Variants in ANXA13 observed in about 807,000 individuals in gnomAD.
ANXA13 encodes the protein annexin XIII.
ANXA13 carries 36 observed loss-of-function variants against 46.6 expected under a neutral mutation model. The ratio of observed to expected loss-of-function variants is 0.77; its 90% CI spans 0.59 to 1.02. The LOEUF (loss-of-function observed/expected upper bound fraction) is 1.02. ANXA13 is among the 50% of genes least tolerant of loss of function. The probability of loss-of-function intolerance (pLI) is 0.00; values close to 1 mark genes in which losing one functional copy is unlikely to be tolerated. For synonymous variants in ANXA13, 163 were observed against 152.9 expected (o/e 1.07, Z -0.49); for missense variants, 417 against 396.5 (o/e 1.05, Z -0.44).
chr8:123,702,578 T>C, intron 3 of ANXA13, 64 bp downstream of exon 3: 2 of 1,326,874 alleles, frequency 1.5e-6, no homozygotes, highest in Non-Finnish European at 1.1e-6. Context: ...CCTGGGGACA[T>C]GAGGAAGCCG....
chr8:123,718,757 A>T (rs1327571266), intron 1 of ANXA13, among the ~76,000 whole-genome samples: 1 of 152,236 alleles, frequency 6.6e-6, no homozygotes, highest in Non-Finnish European at 1.5e-5. Context: ...AGCATAGAAA[A>T]TAAACGAGAT....
rs550550697 is a variant in ANXA13, at chr8:123,682,623, C to T, written c.832-1264G>A. 1.9e-3 allele frequency among the ~76,000 whole-genome samples: 286 copies of T among 152,116 alleles called. 1 individual carries two copies. The highest frequency in any genetic ancestry group is 6.9e-3 in the South Asian group (33 of 4,814). ...CAGTGGATGTGGAGCAGGTGGCAGA[C>T]ACTACAGGAGACAGGTGGTGTCTGT... On this transcript the variant is annotated intron_variant, in intron 10 of 10. Coordinates refer to ENST00000419625, the MANE Select transcript of ANXA13 (RefSeq NM_004306.4).
At chr8:123,682,979 A>C (rs769111145) in intron 10 of ANXA13, among the ~76,000 whole-genome samples, 24 of 152,140 alleles carry the variant, frequency 1.6e-4, no homozygotes, top group Non-Finnish European at 3.1e-4. Context: ...TCTGGGGGTC[A>C]TTTGGAATCC....
chr8:123,715,844 T>C (rs1813750075), intron 1 of ANXA13, among the ~76,000 whole-genome samples: 1 of 152,176 alleles, frequency 6.6e-6, no homozygotes, highest in Non-Finnish European at 1.5e-5. Flanking sequence ...CTAAATGACA[T>C]GCCTGCCCCT....
At chr8:123,726,355 T>G (rs1813992391) in intron 1 of ANXA13, among the ~76,000 whole-genome samples, 1 of 152,222 alleles carries the variant, frequency 6.6e-6, no homozygotes, top group East Asian at 1.9e-4. Flanking sequence ...TTAGGAGACC[T>G]GACTTGAAGG....
intron 2 of ANXA13, among the ~76,000 whole-genome samples, chr8:123,703,099 C>A (rs1242179794): frequency 6.6e-6 from 1 of 152,160 alleles, no homozygotes; most frequent in African/African-American, 2.4e-5. Context: ...AACGTGGAAG[C>A]AGCCCCAGTG....
At chr8:123,684,181 T>C (rs537056602) in intron 10 of ANXA13, among the ~76,000 whole-genome samples, 1 of 152,356 alleles carries the variant, frequency 6.6e-6, no homozygotes, top group African/African-American at 2.4e-5. Context: ...TGCCTTATGC[T>C]GATGTGCTTG....
chr8:123,684,521 G>A, intron 10 of ANXA13, 89 bp downstream of exon 10: 2 of 878,902 alleles, frequency 2.3e-6, no homozygotes, highest in Non-Finnish European at 3.7e-6. Flanking sequence ...TCTGTAAATA[G>A]GCCCTTAATA....
intron 1 of ANXA13, among the ~76,000 whole-genome samples, chr8:123,731,987 T>C (rs1432653354): frequency 1.3e-5 from 2 of 152,098 alleles, no homozygotes; most frequent in Non-Finnish European, 2.9e-5. Flanking sequence ...CCAATCCAGC[T>C]TGGGGGGCAG....
At chr8:123,734,362 C>G (rs1220389836) in intron 1 of ANXA13, among the ~76,000 whole-genome samples, 1 of 152,162 alleles carries the variant, frequency 6.6e-6, no homozygotes, top group Non-Finnish European at 1.5e-5. Context: ...TGATCTTTCT[C>G]TCTGTGTACA....
At chr8:123,686,907 A>G (rs1268038986) in intron 9 of ANXA13, among the ~76,000 whole-genome samples, 2 of 152,198 alleles carry the variant, frequency 1.3e-5, no homozygotes, top group Non-Finnish European at 2.9e-5. Context: ...CTTATTCTCA[A>G]GGTCTTTTCT....
chr8:123,731,092 G>T (rs4549748), intron 1 of ANXA13, among the ~76,000 whole-genome samples: 1 of 151,978 alleles, frequency 6.6e-6, no homozygotes, highest in African/African-American at 2.4e-5. Flanking sequence ...TCAGTTTCAC[G>T]TGGAAGGCTT....
At chr8:123,698,664 T>A in intron 3 of ANXA13, 105 bp from the exon 4 acceptor site, 1 of 1,258,872 alleles carries the variant, frequency 7.9e-7, no homozygotes, top group Non-Finnish European at 1.1e-6. Context: ...AAAGGTGCTG[T>A]GGACATGAAT....
chr8:123,689,373 G>C (rs1021201072), intron 8 of ANXA13, among the ~76,000 whole-genome samples: 4 of 151,410 alleles, frequency 2.6e-5, no homozygotes, highest in Non-Finnish European at 4.4e-5. Context: ...TTCCCAGGAG[G>C]CTGTGGTTAT....
chr8:123,706,958 C>A (rs1332902463), intron 2 of ANXA13, among the ~76,000 whole-genome samples: 2 of 152,224 alleles, frequency 1.3e-5, no homozygotes, highest in Non-Finnish European at 1.5e-5. Flanking sequence ...TCCACTCCTA[C>A]TTCTCCTTCA....
intron 1 of ANXA13, among the ~76,000 whole-genome samples, chr8:123,731,692 G>A (rs1295004177): frequency 6.6e-6 from 1 of 151,976 alleles, no homozygotes; most frequent in Non-Finnish European, 1.5e-5. Context: ...GAGCAACATA[G>A]GAAGACCCCC....
rs570071494 is a variant in ANXA13 at position 123,693,264 on chromosome 8, G to A, written c.575C>T (p.Ala192Val). The A allele has an allele frequency of 9.9e-6, 16 of 1,614,118 alleles. No individual in the cohort carries two copies. The highest frequency in any genetic ancestry group is 6.7e-5 in the Admixed American group (4 of 60,010). Residue 192 changes from alanine (A) to valine (V), a missense_variant, in exon 8 of 11, where the codon GCG becomes GTG. Physicochemically the swap from Ala to Val is moderately conservative, Grantham distance 64. Transcript: ENST00000419625. The part of the protein sequence containing the change: ...GEGRWGTDEL[A>V]FNEVLAKRSY... Reference sequence around the variant, plus strand: ...CCTCTTGGCCAGGACTTCATTGAACGCAAGCTCATCAGTGCCCCAGCGGCC... The same window carrying A: ...CCTCTTGGCCAGGACTTCATTGAACACAAGCTCATCAGTGCCCCAGCGGCC...
At chr8:123,683,697 A>G (rs987788429) in intron 10 of ANXA13, among the ~76,000 whole-genome samples, 9 of 149,192 alleles carry the variant, frequency 6.0e-5, no homozygotes, top group South Asian at 2.1e-4. Context: ...AGCAATTCTC[A>G]TGCCTCAGCC....
At chr8:123,717,560 T>C (rs1465163383) in intron 1 of ANXA13, among the ~76,000 whole-genome samples, 1 of 152,256 alleles carries the variant, frequency 6.6e-6, no homozygotes, top group Non-Finnish European at 1.5e-5. Flanking sequence ...ATATTTATCT[T>C]ATAATGCCCA....
Sources: allele counts gnomAD v4.1 joint callset (sites outside exome capture counted in the v4.1 genomes callset), GRCh38; gene constraint gnomAD v4.1.1; transcripts MANE v1.5; gene names NCBI Gene and HGNC (gene_info 2026-07-23, HGNC 2026-07-21).